The following SYNE1 variants were observed in gnomAD, a reference collection of about 807,000 sequenced individuals.
SYNE1 encodes the protein nesprin-1.
Under a neutral mutation model 1,111.0 loss-of-function variants are expected in SYNE1, and 616 were observed. The observed-to-expected ratio is 0.55, with a 90% CI of 0.52 to 0.59. The LOEUF is 0.59. SYNE1 is among the 20% of genes least tolerant of loss of function. SYNE1 has a pLI of 0.00. For synonymous variants in SYNE1, 3,855 were observed against 3,825.8 expected (o/e 1.01, Z -0.28); for missense variants, 10,006 against 10,417.0 (o/e 0.96, Z 1.72).
intron 115 of SYNE1, among the ~76,000 whole-genome samples, chr6:152,228,827 C>T (rs1343916774): frequency 1.3e-5 from 2 of 152,140 alleles, no homozygotes; most frequent in Non-Finnish European, 2.9e-5. Context: ...AGAAATACCA[C>T]TGGCCTCTAG....
At chr6:152,264,555 G>T (rs1013341951) in intron 100 of SYNE1, among the ~76,000 whole-genome samples, 6 of 152,076 alleles carry the variant, frequency 3.9e-5, no homozygotes, top group Admixed American at 3.9e-4. Context: ...CCAACACTTT[G>T]GGAATCTGAG....
At chr6:152,387,036 A>G in intron 54 of SYNE1, 36 bp downstream of exon 54, 3 of 1,559,348 alleles carry the variant, frequency 1.9e-6, no homozygotes, top group Non-Finnish European at 2.6e-6. Flanking sequence ...GTATTAATGT[A>G]TTATAAAGCA....
chr6:152,535,009 C>T (rs2099227453), intron 4 of SYNE1, among the ~76,000 whole-genome samples: 1 of 152,196 alleles, frequency 6.6e-6, no homozygotes, highest in South Asian at 2.1e-4. Flanking sequence ...CAGAGATATG[C>T]TGAAATCTTA....
At chr6:152,604,994 AAGAAAGAAAGAAAGAGAGAGAG>A (rs1240194916) in intron 3 of SYNE1, among the ~76,000 whole-genome samples, 3 of 26,956 alleles carry the variant, frequency 1.1e-4, no homozygotes, top group African/African-American at 3.3e-4. Flanking sequence ...GAAAGAAAGA[AAGAAAGAAAGAAAGAGAGAGAG>A]AGAGAGAGAG....
rs1161776148 is a variant in SYNE1, at chr6:152,218,237, T to A, written c.22191+20A>T. ...AGACAGATGGTAAAAGATCTGGGAC[T>A]CAGATTTGAACACACTTACCTTAAG... On this transcript the variant is annotated intron_variant, in intron 121 of 145. Coordinates refer to ENST00000367255, the MANE Select transcript of SYNE1 (RefSeq NM_182961.4). 1.9e-6 allele frequency: 3 copies of A among 1,613,662 alleles called. No homozygotes were observed. The Admixed American group carries it at 5.0e-5, about 27-fold the overall frequency.
At chr6:152,625,897 TC>T (rs1281277751) in intron 3 of SYNE1, among the ~76,000 whole-genome samples, 2 of 152,178 alleles carry the variant, frequency 1.3e-5, no homozygotes, top group African/African-American at 4.8e-5. Flanking sequence ...TAGTAAATTA[TC>T]TCATTGAGCT....
intron 44 of SYNE1, among the ~76,000 whole-genome samples, 171 bp downstream of exon 44, chr6:152,408,897 T>C (rs2097953501): frequency 6.6e-6 from 1 of 150,674 alleles, no homozygotes; most frequent in South Asian, 2.1e-4. Flanking sequence ...GAGGTTGCGG[T>C]GAGCTGAGAT....
intron 131 of SYNE1, among the ~76,000 whole-genome samples, chr6:152,160,984 T>C (rs1463102593): frequency 6.6e-6 from 1 of 151,700 alleles, no homozygotes; most frequent in Non-Finnish European, 1.5e-5. Context: ...TGTGTACACA[T>C]ATACGTGTAA....
At chr6:152,530,004 C>T (rs2154357430) in intron 4 of SYNE1, among the ~76,000 whole-genome samples, 1 of 152,252 alleles carries the variant, frequency 6.6e-6, no homozygotes, top group South Asian at 2.1e-4. Context: ...GGCCCCAGGA[C>T]AAACAAAAAC....
intron 130 of SYNE1, among the ~76,000 whole-genome samples, chr6:152,167,402 G>A (rs534483630): frequency 1.3e-5 from 2 of 151,862 alleles, no homozygotes; most frequent in Non-Finnish European, 2.9e-5. Context: ...TTACCATTGG[G>A]TAAATCCTAT....
chr6:152,608,868 G>A (rs1468554652), intron 3 of SYNE1, among the ~76,000 whole-genome samples: 2 of 152,118 alleles, frequency 1.3e-5, no homozygotes, highest in African/African-American at 4.8e-5. Context: ...AGAAGGCAGA[G>A]GTTGCAGTGA....
Position 152,189,362 on chromosome 6 carries a change from A to G in SYNE1, c.23191T>C (p.Leu7731=). The change falls in exon 128 of 146, where the codon TTG becomes CTG. Residue 7731 remains leucine, a synonymous_variant. Transcript: ENST00000367255. ...GAGAGGGTGTCCTTCAGCAGGCTCA[A>G]CTGGGTCAAGTCATCTGTCCAGCTC... ...VGSWTDDLTQ[L]SLLKDTLSAY... 6.2e-7 allele frequency: 1 copy of G among 1,614,128 alleles called. No homozygotes were observed. The highest frequency in any genetic ancestry group is 8.5e-7 in the Non-Finnish European group (1 of 1,180,004).
At chr6:152,477,761 T>C (rs2098843769) in intron 14 of SYNE1, among the ~76,000 whole-genome samples, 1 of 152,118 alleles carries the variant, frequency 6.6e-6, no homozygotes, top group Non-Finnish European at 1.5e-5. Flanking sequence ...AGATATTTGT[T>C]GAAAGAATAG....
At chr6:152,260,313 A>G (rs1205007662) in intron 101 of SYNE1, among the ~76,000 whole-genome samples, 1 of 152,202 alleles carries the variant, frequency 6.6e-6, no homozygotes, top group Non-Finnish European at 1.5e-5. Flanking sequence ...TATCAGGAAC[A>G]AGGAATTTGA....
At chr6:152,346,652 T>C (rs2096637890) in intron 73 of SYNE1, among the ~76,000 whole-genome samples, 1 of 151,784 alleles carries the variant, frequency 6.6e-6, no homozygotes, top group Non-Finnish European at 1.5e-5. Flanking sequence ...CTACTAAAAA[T>C]ACAAAAAATT....
intron 5 of SYNE1, among the ~76,000 whole-genome samples, chr6:152,521,772 T>C (rs1192116733): frequency 2.0e-5 from 3 of 152,202 alleles, no homozygotes; most frequent in Non-Finnish European, 4.4e-5. Flanking sequence ...TTTTACAACA[T>C]GAATTGTGAA....
chr6:152,154,090 G>A (rs2060917402), intron 133 of SYNE1, among the ~76,000 whole-genome samples: 1 of 152,114 alleles, frequency 6.6e-6, no homozygotes, highest in South Asian at 2.1e-4. Context: ...TAACATACCT[G>A]AGTACACAAC....
intron 3 of SYNE1, among the ~76,000 whole-genome samples, chr6:152,569,751 G>C (rs988634350): frequency 3.3e-5 from 5 of 152,168 alleles, no homozygotes; most frequent in African/African-American, 1.2e-4. Flanking sequence ...GATCTTCTTG[G>C]AGATGGCCCT....
At chr6:152,173,746 T>C (rs556088988) in intron 130 of SYNE1, among the ~76,000 whole-genome samples, 33 of 152,294 alleles carry the variant, frequency 2.2e-4, no homozygotes, top group African/African-American at 7.0e-4. Context: ...AGGCAACATA[T>C]ATACAAAAAT....
Sources: gnomAD v4.1 joint callset for allele counts (sites outside exome capture counted in the v4.1 genomes callset) on GRCh38, gnomAD v4.1.1 for gene constraint, MANE v1.5 for transcripts, NCBI Gene and HGNC (gene_info 2026-07-23, HGNC 2026-07-21) for gene names.